The following GRIK2 variants were observed in gnomAD, a reference collection of about 807,000 sequenced individuals.
GRIK2 encodes glutamate receptor ionotropic, kainate 2.
A neutral mutation model predicts 100.3 loss-of-function variants in GRIK2; 32 were observed. The observed-to-expected ratio is 0.32, with a 90% CI of 0.24 to 0.43. GRIK2 has a LOEUF of 0.43. Among genes scored for constraint, GRIK2 ranks in the 20% least tolerant of loss-of-function variants. The pLI is 1.00. For synonymous variants in GRIK2, 417 were observed against 389.4 expected (o/e 1.07, Z -0.83); for missense variants, 843 against 1,114.9 (o/e 0.76, Z 3.47).
intron 11 of GRIK2, among the ~76,000 whole-genome samples, chr6:101,861,330 A>G (rs1304630965): frequency 1.3e-5 from 2 of 152,146 alleles, no homozygotes; most frequent in African/African-American, 4.8e-5. Flanking sequence ...AAACATTTAG[A>G]TGGTATTACA....
chr6:101,590,636 G>A lies in GRIK2; in HGVS notation c.116-31313G>A, dbSNP rs114618031. Among the ~76,000 whole-genome samples the A allele has an allele frequency of 9.7e-3, 1,482 of 152,002 alleles. 22 individuals carry two copies. Among genetic ancestry groups the A allele is most frequent in the African/African-American group, 0.034 (1,411 of 41,508 alleles). On this transcript the variant is annotated intron_variant, in intron 2 of 16. Transcript: ENST00000369134. ...GCTCTGACCCAGGATACCCTCACACGTATTTTTGTCATCCTATGTGCTGTA... is the reference window on the plus strand; with the variant it reads ...GCTCTGACCCAGGATACCCTCACACATATTTTTGTCATCCTATGTGCTGTA...
intron 7 of GRIK2, among the ~76,000 whole-genome samples, chr6:101,745,746 G>T (rs1412235070): frequency 6.6e-6 from 1 of 152,030 alleles, no homozygotes; most frequent in Non-Finnish European, 1.5e-5. Context: ...TATATTTTTA[G>T]ATGTTTCCCA....
intron 9 of GRIK2, among the ~76,000 whole-genome samples, chr6:101,815,175 G>A (rs1781559728): frequency 6.6e-6 from 1 of 151,952 alleles, no homozygotes; most frequent in Non-Finnish European, 1.5e-5. Flanking sequence ...GAATGTGTGT[G>A]GAAAGACAAA....
At chr6:101,812,964 T>C (rs1263224161) in intron 9 of GRIK2, among the ~76,000 whole-genome samples, 1 of 152,024 alleles carries the variant, frequency 6.6e-6, no homozygotes, top group Non-Finnish European at 1.5e-5. Flanking sequence ...AAAGAACCAT[T>C]GTTTCTCTCT....
intron 7 of GRIK2, among the ~76,000 whole-genome samples, chr6:101,696,548 A>T (rs1772501036): frequency 1.3e-5 from 2 of 151,954 alleles, no homozygotes; most frequent in South Asian, 4.1e-4. Context: ...ATAGTGACCC[A>T]AACAATGACT....
chr6:101,892,777 C>A (rs1325529567), intron 12 of GRIK2, among the ~76,000 whole-genome samples: 1 of 151,390 alleles, frequency 6.6e-6, no homozygotes, highest in African/African-American at 2.4e-5. Context: ...AGTAATAACA[C>A]AAGGATAAAT....
intron 2 of GRIK2, among the ~76,000 whole-genome samples, chr6:101,452,345 A>C (rs886850731): frequency 6.6e-6 from 1 of 151,870 alleles, no homozygotes; most frequent in Non-Finnish European, 1.5e-5. Flanking sequence ...GCTTGGCTGC[A>C]TATGAAAATC....
At chr6:101,668,143 T>G (rs1770167790) in intron 4 of GRIK2, among the ~76,000 whole-genome samples, 1 of 152,206 alleles carries the variant, frequency 6.6e-6, no homozygotes, top group African/African-American at 2.4e-5. Flanking sequence ...AATTCTATTT[T>G]GTATAGCTTT....
rs1554199400 is a variant in GRIK2 at position 102,064,320 on chromosome 6, C to CT, written c.2563-4025dup. Among the ~76,000 whole-genome samples the CT allele has an allele frequency of 5.3e-3, 783 of 148,012 alleles. 4 individuals carry two copies. Among genetic ancestry groups the CT allele is most frequent in the African/African-American group, 0.019 (751 of 40,158 alleles). On this transcript the variant is annotated intron_variant, in intron 16 of 16. Coordinates refer to ENST00000369134, the MANE Select transcript of GRIK2 (RefSeq NM_021956.5). ...TCCTTCTCCTCTCCTTCTCCTCCTC[C>CT]TTCCTTTCCTTTCCTTTCTTTCCTT...
intron 7 of GRIK2, among the ~76,000 whole-genome samples, chr6:101,713,842 T>A: frequency 6.6e-6 from 1 of 151,762 alleles, no homozygotes; most frequent in Admixed American, 6.6e-5. Context: ...CTAGCATCCT[T>A]TGCCTTATCA....
intron 2 of GRIK2, among the ~76,000 whole-genome samples, chr6:101,487,423 C>T (rs765503990): frequency 6.8e-6 from 1 of 146,148 alleles, no homozygotes; most frequent in Non-Finnish European, 1.5e-5. Flanking sequence ...GTCCCATCTC[C>T]ACCACAGTGT....
intron 2 of GRIK2, among the ~76,000 whole-genome samples, chr6:101,512,807 G>A (rs1024282955): frequency 6.6e-5 from 10 of 151,568 alleles, no homozygotes; most frequent in Non-Finnish European, 1.3e-4. Flanking sequence ...TTTAAATGTC[G>A]TTTTCAAGAA....
intron 2 of GRIK2, among the ~76,000 whole-genome samples, chr6:101,533,189 T>C (rs1775526117): frequency 6.6e-6 from 1 of 151,888 alleles, no homozygotes; most frequent in Non-Finnish European, 1.5e-5. Context: ...ATAAGCACTT[T>C]GACTTTTAGA....
chr6:101,546,004 C>G (rs2128290335), intron 2 of GRIK2, among the ~76,000 whole-genome samples: 1 of 152,028 alleles, frequency 6.6e-6, no homozygotes, highest in Non-Finnish European at 1.5e-5. Context: ...CATCCAGTGC[C>G]CCATTCATCT....
At chr6:102,030,545 G>A (rs2114404764) in intron 14 of GRIK2, among the ~76,000 whole-genome samples, 1 of 151,054 alleles carries the variant, frequency 6.6e-6, no homozygotes, top group Admixed American at 6.6e-5. Flanking sequence ...GAAACTCTCT[G>A]TTGCCATATC....
intron 2 of GRIK2, among the ~76,000 whole-genome samples, chr6:101,415,449 C>A (rs965533273): frequency 2.7e-5 from 4 of 146,578 alleles, no homozygotes; most frequent in African/African-American, 1.0e-4. Context: ...CGGCTCACTG[C>A]AAGCTCTGCC....
intron 14 of GRIK2, among the ~76,000 whole-genome samples, chr6:101,986,196 T>C (rs1794006260): frequency 6.6e-6 from 1 of 151,892 alleles, no homozygotes; most frequent in African/African-American, 2.4e-5. Context: ...TTTATTTTCA[T>C]GGATTATAAT....
intron 2 of GRIK2, among the ~76,000 whole-genome samples, chr6:101,488,098 T>G (rs954905082): frequency 4.1e-5 from 6 of 146,810 alleles, no homozygotes; most frequent in Non-Finnish European, 9.0e-5. Context: ...CATGATCAAG[T>G]CTTAAAATAT....
intron 2 of GRIK2, among the ~76,000 whole-genome samples, chr6:101,616,435 G>A (rs1464832256): frequency 1.3e-5 from 2 of 151,572 alleles, no homozygotes; most frequent in Non-Finnish European, 1.5e-5. Flanking sequence ...ATGCATAAGG[G>A]CATATTATAA....
Sources: allele counts gnomAD v4.1 joint callset (sites outside exome capture counted in the v4.1 genomes callset), GRCh38; gene constraint gnomAD v4.1.1; transcripts MANE v1.5; gene names NCBI Gene and HGNC (gene_info 2026-07-23, HGNC 2026-07-21).